ERV3-1: variants seen among roughly 807,000 people sequenced by gnomAD.
The protein encoded by ERV3-1 is endogenous retrovirus group 3 member 1, envelope, also known as endogenous retrovirus group 3 member 1 Env polyprotein.
In ERV3-1, 36 loss-of-function variants were observed where a neutral mutation model predicts 24.6. That is an observed-to-expected ratio of 1.47 (90% CI 1.12 to 1.94). ERV3-1 has a LOEUF of 1.94. Among genes scored for constraint, ERV3-1 ranks in the 30% most tolerant of loss-of-function variants. The probability of loss-of-function intolerance (pLI) is 0.00; values close to 1 mark genes in which losing one functional copy is unlikely to be tolerated. For synonymous variants in ERV3-1, 211 were observed against 122.6 expected, an observed-to-expected ratio of 1.72 and a Z score of -4.76; for missense variants, 578 against 330.9, an observed-to-expected ratio of 1.75 and a Z score of -5.79.
chr7:64,993,445 C>T (rs996428768), intron 1 of ERV3-1, 31 bp from the exon 2 acceptor site: 2 of 169,786 alleles, frequency 1.2e-5, no homozygotes, highest in African/African-American at 4.8e-5. Flanking sequence ...GACAAGATTA[C>T]AGTATGGAGC....
Position 64,991,540 on chromosome 7 carries a change from G to T in ERV3-1, c.1487C>A (p.Thr496Asn). The T allele has an allele frequency of 1.4e-6, 1 of 704,128 alleles. No homozygotes were observed. The highest frequency in any genetic ancestry group is 2.6e-6 in the Non-Finnish European group (1 of 385,004). 43.6% of individuals were successfully genotyped at this position (704,128 alleles called of 1,614,324 possible). A position where few individuals can be genotyped will look rare whatever the true frequency, so the allele number is the denominator to read the frequency against. The change falls in exon 2 of 2, where the codon ACC becomes AAC. Residue 496 changes from threonine to asparagine, a missense_variant. By Grantham distance (65) the Thr-to-Asn change is moderately conservative. Transcript: ENST00000394323. ...ERIIQYYGPA[T>N]WAEDGMWGYR... is the part of the protein sequence containing the mutation. Reference sequence around the variant, plus strand: ...TCCCCACATTCCATCTTCTGCCCAGGTGGCTGGGCCATAATATTGAATTAT... The same window carrying T: ...TCCCCACATTCCATCTTCTGCCCAGTTGGCTGGGCCATAATATTGAATTAT...
chr7:65,006,271 CG>C (rs1786647101), intron 1 of ERV3-1: 1 of 540,002 alleles, frequency 1.9e-6, no homozygotes, highest in South Asian at 2.0e-5. Flanking sequence ...GGGAGAGCTG[CG>C]GCAGTGGGGG....
At chr7:65,006,423 T>G (rs1786652176) in intron 1 of ERV3-1, 118 bp downstream of exon 1, 1 of 1,473,112 alleles carries the variant, frequency 6.8e-7, no homozygotes, top group African/African-American at 1.4e-5. Context: ...CAAGGAGAAC[T>G]CGGGGCCGCG....
intron 1 of ERV3-1, among the ~76,000 whole-genome samples, chr7:64,994,988 G>A (rs1786374136): frequency 6.6e-6 from 1 of 152,238 alleles, no homozygotes; most frequent in Non-Finnish European, 1.5e-5. Flanking sequence ...CTCCTCGACT[G>A]GAGAATACCT....
rs770355703 is a variant in ERV3-1 at position 64,993,053 on chromosome 7, G to C, written c.-27C>G. ...GACAGAAAAGGCTTTTTCCTGGGGG[G>C]AGAAGGCTAAGCAAAGTGACAGCTT... On this transcript the variant is annotated 5_prime_UTR_variant, in exon 2 of 2. Coordinates refer to ENST00000394323, the MANE Select transcript of ERV3-1 (RefSeq NM_001007253.4). The C allele has an allele frequency of 1.4e-6, 1 of 708,284 alleles. No individual in the cohort carries two copies. Among genetic ancestry groups the C allele is most frequent in the South Asian group, 1.5e-5 (1 of 66,666 alleles). 43.9% of individuals were successfully genotyped at this position (708,284 alleles called of 1,614,324 possible).
chr7:65,004,557 T>C (rs540123148), intron 1 of ERV3-1: 1 of 152,336 alleles, frequency 6.6e-6, no homozygotes, highest in East Asian at 1.9e-4. Flanking sequence ...CCTTTGTAAA[T>C]ATTTTCTTAC....
Position 65,006,587 on chromosome 7 carries a change from C to T in ERV3-1, c.-435G>A. On this transcript the variant is annotated 5_prime_UTR_variant, in exon 1 of 2. Transcript: ENST00000394323. Reference sequence around the variant, plus strand: ...TCCTGGCGTCTTAGCTGTGGATCTCCCAATACCTGCAGGTAACGAGGCCAC... The same window carrying T: ...TCCTGGCGTCTTAGCTGTGGATCTCTCAATACCTGCAGGTAACGAGGCCAC... 6.4e-7 allele frequency: 1 copy of T among 1,574,238 alleles called. No homozygotes were observed. Among genetic ancestry groups the T allele is most frequent in the Non-Finnish European group, 8.7e-7 (1 of 1,145,480 alleles).
At chr7:65,001,343 A>G (rs1232781043) in intron 1 of ERV3-1, among the ~76,000 whole-genome samples, 1 of 152,190 alleles carries the variant, frequency 6.6e-6, no homozygotes, top group Non-Finnish European at 1.5e-5. Context: ...AGATTGGTGG[A>G]GAGAACAGGT....
At chr7:65,004,014 A>T (rs1193208713) in intron 1 of ERV3-1, 1 of 152,180 alleles carries the variant, frequency 6.6e-6, no homozygotes, top group East Asian at 1.9e-4. Flanking sequence ...TAGCACTCTA[A>T]AAACTAAGCC....
chr7:64,999,507 A>T (rs1242093503), intron 1 of ERV3-1, among the ~76,000 whole-genome samples: 1 of 152,218 alleles, frequency 6.6e-6, no homozygotes, highest in Non-Finnish European at 1.5e-5. Flanking sequence ...GGTTTTTGGC[A>T]TGAAACCTGT....
chr7:64,999,619 A>C (rs1786476606), intron 1 of ERV3-1, among the ~76,000 whole-genome samples: 1 of 152,230 alleles, frequency 6.6e-6, no homozygotes, highest in Non-Finnish European at 1.5e-5. Flanking sequence ...TTACTTAAGC[A>C]TGTCTTGTGA....
chr7:65,001,658 T>C (rs530203537), intron 1 of ERV3-1, among the ~76,000 whole-genome samples: 5 of 152,306 alleles, frequency 3.3e-5, no homozygotes, highest in African/African-American at 9.6e-5. Flanking sequence ...ATGGGCAGTG[T>C]GACAGCCTGT....
At chr7:64,997,717 C>T (rs1242901296) in intron 1 of ERV3-1, among the ~76,000 whole-genome samples, 1 of 152,084 alleles carries the variant, frequency 6.6e-6, no homozygotes, top group Non-Finnish European at 1.5e-5. Context: ...CGGCATTCCT[C>T]GGTGTTAAAC....
At chr7:65,005,753 G>T (rs1180028740) in intron 1 of ERV3-1, among the ~76,000 whole-genome samples, 1 of 152,194 alleles carries the variant, frequency 6.6e-6, no homozygotes, top group Non-Finnish European at 1.5e-5. Flanking sequence ...GCCCTGTGGA[G>T]TGTGAAAATA....
chr7:64,991,916 T>C lies in ERV3-1; in HGVS notation c.1111A>G (p.Thr371Ala), dbSNP rs775652976. ...TCLGQQYYNE[T>A]LGKTLWRGKS... The stretch of plus-strand genomic sequence containing the variant: ...CCCCTCCATAAAGTCTTTCCTAGTG[T>C]CTCGTTGTAATATTGTTGTCCTAGG... The change falls in exon 2 of 2, where the codon ACA becomes GCA. Residue 371 changes from threonine (T) to alanine (A), a missense_variant. Thr to Ala is a moderately conservative substitution (Grantham distance 58). Transcript: ENST00000394323. 3 of 766,286 alleles carry C rather than the reference T, an allele frequency of 3.9e-6. No individual in the cohort carries two copies. The highest frequency in any genetic ancestry group is 2.4e-5 in the East Asian group (1 of 41,258). The allele number at this position is 766,286 out of a possible 1,614,324, so 47.5% of individuals were successfully genotyped here.
chr7:65,006,466 C>T, intron 1 of ERV3-1, 75 bp downstream of exon 1: 8 of 1,548,648 alleles, frequency 5.2e-6, no homozygotes, highest in Non-Finnish European at 7.1e-6. Flanking sequence ...AGGCCAGAGT[C>T]CCGCCACAGC....
chr7:64,995,549 T>G (rs1238982285), intron 1 of ERV3-1, among the ~76,000 whole-genome samples: 2 of 152,138 alleles, frequency 1.3e-5, no homozygotes, highest in African/African-American at 4.8e-5. Flanking sequence ...TGGCTATAAG[T>G]GAGAAATTTG....
At chr7:65,002,737 C>T (rs1267749890) in intron 1 of ERV3-1, among the ~76,000 whole-genome samples, 1 of 152,198 alleles carries the variant, frequency 6.6e-6, no homozygotes, top group Non-Finnish European at 1.5e-5. Flanking sequence ...TTATGTTCCT[C>T]CTAAAAACTT....
chr7:65,006,684 A>G lies in ERV3-1; in HGVS notation c.-532T>C. 2 of 1,457,026 alleles carry G rather than the reference A, an allele frequency of 1.4e-6. No individual in the cohort carries two copies. The highest frequency in any genetic ancestry group is 1.9e-6 in the Non-Finnish European group (2 of 1,045,418). 90.3% of individuals were successfully genotyped at this position (1,457,026 alleles called of 1,614,324 possible). Reference sequence around the variant, plus strand: ...CACCAGAAGCTCCGGCTGCCGCCAGAGACAAAGGCCCCACCAAACCCGGAA... The same window carrying G: ...CACCAGAAGCTCCGGCTGCCGCCAGGGACAAAGGCCCCACCAAACCCGGAA... On this transcript the variant is annotated 5_prime_UTR_variant, in exon 1 of 2. Transcript: ENST00000394323.
Sources: gnomAD v4.1 joint callset for allele counts (sites outside exome capture counted in the v4.1 genomes callset) on GRCh38, gnomAD v4.1.1 for gene constraint, MANE v1.5 for transcripts, NCBI Gene and HGNC (gene_info 2026-07-23, HGNC 2026-07-21) for gene names.